Variants in TNFRSF8 observed in about 807,000 individuals in gnomAD.
TNFRSF8 encodes tumor necrosis factor receptor superfamily member 8.
TNFRSF8 carries 26 observed loss-of-function variants against 70.8 expected under a neutral mutation model. The ratio of observed to expected loss-of-function variants is 0.37; its 90% CI spans 0.27 to 0.51. The LOEUF is 0.51. TNFRSF8 is among the 20% of genes least tolerant of loss of function. The pLI, the probability that TNFRSF8 is intolerant of heterozygous loss-of-function variation, is 0.94. For synonymous variants in TNFRSF8, 356 were observed against 339.2 expected (o/e 1.05, Z -0.54); for missense variants, 720 against 807.9 (o/e 0.89, Z 1.32).
intron 12 of TNFRSF8, among the ~76,000 whole-genome samples, chr1:12,131,538 G>A (rs1642047976): frequency 6.6e-6 from 1 of 151,982 alleles, no homozygotes; most frequent in African/African-American, 2.4e-5. Flanking sequence ...TGGAGACAGG[G>A]TGTCACTCTG....
chr1:12,139,226 C>T (rs937845289), intron 14 of TNFRSF8, among the ~76,000 whole-genome samples: 2 of 152,142 alleles, frequency 1.3e-5, no homozygotes, highest in African/African-American at 4.8e-5. Flanking sequence ...ATTCTTATTC[C>T]AGCACTCAAG....
Position 12,143,402 on chromosome 1 carries a change from T to C in TNFRSF8, c.*871T>C, listed in dbSNP as rs1235462695. 1 of 151,634 alleles carries C rather than the reference T, an allele frequency of 6.6e-6. No homozygotes were observed. Among genetic ancestry groups the C allele is most frequent in the African/African-American group, 2.4e-5 (1 of 41,178 alleles). 9.4% of individuals were successfully genotyped at this position (151,634 alleles called of 1,614,324 possible). On this transcript the variant is annotated 3_prime_UTR_variant, in exon 15 of 15. Transcript: ENST00000263932. The surrounding 1 kb of genome is among the most constrained non-coding windows in gnomAD (Gnocchi z 4.1). Reference sequence around the variant, plus strand: ...TCCTCCCCATGTGAACATGGGGAACTTCGGGCCCTGCCTGGAGTCCTTGAC... The same window carrying C: ...TCCTCCCCATGTGAACATGGGGAACCTCGGGCCCTGCCTGGAGTCCTTGAC...
chr1:12,078,518 C>A lies in TNFRSF8; in HGVS notation c.64-5946C>A, dbSNP rs964648599. 1.3e-5 allele frequency among the ~76,000 whole-genome samples: 2 copies of A among 152,052 alleles called. 1 individual carries two copies. The highest frequency in any genetic ancestry group is 4.8e-5 in the African/African-American group (2 of 41,402). On this transcript the variant is annotated intron_variant, in intron 1 of 14. Transcript: ENST00000263932. ...GGTAGAGGTTGCAGTGAGCCGAGAT[C>A]GCACCACTGCACTCCAGCTTGGGCG...
intron 1 of TNFRSF8, among the ~76,000 whole-genome samples, chr1:12,081,373 C>T (rs761824270): frequency 3.9e-5 from 6 of 152,056 alleles, no homozygotes; most frequent in Non-Finnish European, 8.8e-5. Context: ...CACCTCCAGC[C>T]AGCCCCAGGC....
rs935735467 is a variant in TNFRSF8, at chr1:12,112,698, C to T, written c.793+684C>T. ...GGCATGAGCCACCATGCCCGGCCTG[C>T]GAGCTGTTTTGACAAGCACTTACTG... On this transcript the variant is annotated intron_variant, in intron 7 of 14. Transcript: ENST00000263932. This position sits in a 1 kb window ranked among gnomAD's most constrained non-coding sequence, Gnocchi z 5.3. 2.0e-5 allele frequency among the ~76,000 whole-genome samples: 3 copies of T among 152,184 alleles called. No homozygotes were observed. The highest frequency in any genetic ancestry group is 6.5e-5 in the Admixed American group (1 of 15,282).
intron 7 of TNFRSF8, among the ~76,000 whole-genome samples, chr1:12,115,064 G>T (rs1641703747): frequency 6.6e-6 from 1 of 152,128 alleles, no homozygotes; most frequent in African/African-American, 2.4e-5. Context: ...GTGAGTCAGA[G>T]ATGGCTGCGT....
At chr1:12,078,341 C>G (rs1439697739) in intron 1 of TNFRSF8, among the ~76,000 whole-genome samples, 1 of 151,880 alleles carries the variant, frequency 6.6e-6, no homozygotes, top group Non-Finnish European at 1.5e-5. Flanking sequence ...AGGTGGGTGG[C>G]TCATTTGAGG....
chr1:12,088,890 G>A lies in TNFRSF8; in HGVS notation c.151+4339G>A, dbSNP rs1370793510. Reference sequence around the variant, plus strand: ...TGCCCCTGCCGCCTCCCCCTCCCCCGCCCAGTCCCTCTTCATCCTGGGCTT... The same window carrying A: ...TGCCCCTGCCGCCTCCCCCTCCCCCACCCAGTCCCTCTTCATCCTGGGCTT... On this transcript the variant is annotated intron_variant, in intron 2 of 14. Transcript: ENST00000263932. The surrounding 1 kb of genome is among the most constrained non-coding windows in gnomAD (Gnocchi z 4.0). 3.0e-5 allele frequency among the ~76,000 whole-genome samples: 4 copies of A among 133,816 alleles called. No individual in the cohort carries two copies. Among genetic ancestry groups the A allele is most frequent in the South Asian group, 2.7e-4 (1 of 3,650 alleles). The allele number at this position is 133,816 out of a possible 152,430, so 87.8% of individuals were successfully genotyped here. A position where few individuals can be genotyped will look rare whatever the true frequency, so the allele number is the denominator to read the frequency against.
intron 10 of TNFRSF8, among the ~76,000 whole-genome samples, chr1:12,124,895 A>G (rs1224890786): frequency 6.6e-6 from 1 of 151,990 alleles, no homozygotes; most frequent in African/African-American, 2.4e-5. Context: ...AACCCCCAAG[A>G]GTTAGCTCTT....
chr1:12,097,391 A>G (rs769608643), intron 3 of TNFRSF8, among the ~76,000 whole-genome samples, 174 bp downstream of exon 3: 15 of 152,134 alleles, frequency 9.9e-5, no homozygotes, highest in Admixed American at 6.5e-5. Flanking sequence ...ATCAGCCATG[A>G]CCTTTTGCAT....
At position 12,087,076 on chromosome 1, in the gene TNFRSF8, TC is replaced by T. The variant is rs1203670136; in HGVS notation, c.151+2527del. Among the ~76,000 whole-genome samples, 5 of 5,376 alleles carry T rather than the reference TC, an allele frequency of 9.3e-4. No homozygotes were observed. The African/African-American group carries it at 0.01, about 11-fold the overall frequency. 3.5% of individuals were successfully genotyped at this position (5,376 alleles called of 152,430 possible). A position where few individuals can be genotyped will look rare whatever the true frequency, so the allele number is the denominator to read the frequency against. On this transcript the variant is annotated intron_variant, in intron 2 of 14. Transcript: ENST00000263932. Reference sequence around the variant, plus strand: ...GGCCATTTTCTCATCTACCTTTCTATCCATCCATCCATCCATCCATCCATCC... The same window carrying T: ...GGCCATTTTCTCATCTACCTTTCTATCATCCATCCATCCATCCATCCATCC...
chr1:12,107,353 C>A (rs959750233), intron 4 of TNFRSF8, among the ~76,000 whole-genome samples: 1 of 151,952 alleles, frequency 6.6e-6, no homozygotes, highest in East Asian at 1.9e-4. Context: ...TGAGATTGTG[C>A]CACTGCACTC....
chr1:12,117,440 C>T (rs922922253), intron 8 of TNFRSF8, among the ~76,000 whole-genome samples: 4 of 152,164 alleles, frequency 2.6e-5, no homozygotes, highest in African/African-American at 9.7e-5. Flanking sequence ...GTTCGGGCCA[C>T]TAGTGGGGTG....
At chr1:12,070,866 TAC>T (rs1640829957) in intron 1 of TNFRSF8, among the ~76,000 whole-genome samples, 1 of 152,186 alleles carries the variant, frequency 6.6e-6, no homozygotes, top group Non-Finnish European at 1.5e-5. Flanking sequence ...TGGAGCTCTC[TAC>T]AGAGTTCAAG....
At position 12,110,314 on chromosome 1, in the gene TNFRSF8, G is replaced by A; in HGVS notation, c.676+110G>A. On this transcript the variant is annotated intron_variant, in intron 6 of 14. Transcript: ENST00000263932. This position sits in a 1 kb window ranked among gnomAD's most constrained non-coding sequence, Gnocchi z 4.0. The stretch of plus-strand genomic sequence containing the variant: ...GGGCAGTGATCTGTGGTCTTTTCCT[G>A]GTGGGGAGAGAAGACGGTGGTAAGG... 8.6e-7 allele frequency: 1 copy of A among 1,163,042 alleles called. No homozygotes were observed. The highest frequency in any genetic ancestry group is 1.2e-6 in the Non-Finnish European group (1 of 851,694). The allele number at this position is 1,163,042 out of a possible 1,614,324, so 72.0% of individuals were successfully genotyped here. A position where few individuals can be genotyped will look rare whatever the true frequency, so the allele number is the denominator to read the frequency against.
intron 1 of TNFRSF8, among the ~76,000 whole-genome samples, chr1:12,078,441 G>A (rs955604827): frequency 2.0e-5 from 3 of 152,168 alleles, no homozygotes; most frequent in African/African-American, 7.2e-5. Context: ...CCAAGCGCCT[G>A]CAGTCCCAGC....
intron 3 of TNFRSF8, among the ~76,000 whole-genome samples, chr1:12,100,603 A>C (rs1260220302): frequency 6.6e-6 from 1 of 150,778 alleles, no homozygotes; most frequent in Non-Finnish European, 1.5e-5. Context: ...GCAAACACCT[A>C]CATTATCCGA....
rs190971188 is a variant in TNFRSF8, at chr1:12,110,319, G to T, written c.676+115G>T. On this transcript the variant is annotated intron_variant, in intron 6 of 14. Coordinates refer to ENST00000263932, the MANE Select transcript of TNFRSF8 (RefSeq NM_001243.5). The surrounding 1 kb of genome is among the most constrained non-coding windows in gnomAD (Gnocchi z 4.0). Reference sequence around the variant, plus strand: ...GTGATCTGTGGTCTTTTCCTGGTGGGGAGAGAAGACGGTGGTAAGGTATGA... The same window carrying T: ...GTGATCTGTGGTCTTTTCCTGGTGGTGAGAGAAGACGGTGGTAAGGTATGA... The T allele has an allele frequency of 2.0e-4, 220 of 1,118,740 alleles. No individual in the cohort carries two copies. The African/African-American group carries it at 3.3e-3, about 17-fold the overall frequency. The allele number at this position is 1,118,740 out of a possible 1,614,324, so 69.3% of individuals were successfully genotyped here. A position where few individuals can be genotyped will look rare whatever the true frequency, so the allele number is the denominator to read the frequency against.
Position 12,110,214 on chromosome 1 carries a change from C to G in TNFRSF8, c.676+10C>G. ...CCTAGTTCAGATCCAGGTAATTTCC[C>G]CATGAAGCTGTGGGTCGTCTCCCTG... is the stretch of plus-strand genomic sequence containing the variant. On this transcript the variant is annotated intron_variant, in intron 6 of 14. Coordinates refer to ENST00000263932, the MANE Select transcript of TNFRSF8 (RefSeq NM_001243.5). The surrounding 1 kb of genome is among the most constrained non-coding windows in gnomAD (Gnocchi z 4.0). 3.2e-6 allele frequency: 5 copies of G among 1,570,822 alleles called. No homozygotes were observed. Among genetic ancestry groups the G allele is most frequent in the Non-Finnish European group, 4.3e-6 (5 of 1,156,004 alleles).
Sources: allele counts gnomAD v4.1 joint callset (sites outside exome capture counted in the v4.1 genomes callset), GRCh38; gene constraint gnomAD v4.1.1; non-coding constraint Gnocchi (gnomAD v3.1); transcripts MANE v1.5; gene names NCBI Gene and HGNC (gene_info 2026-07-23, HGNC 2026-07-21).